Variants in SLC36A1 observed in about 807,000 individuals in gnomAD.
The protein encoded by SLC36A1 is solute carrier family 36 member 1.
In SLC36A1, 30 loss-of-function variants were observed where a neutral mutation model predicts 47.5. That is an observed-to-expected ratio of 0.63 (90% confidence interval 0.47 to 0.86). SLC36A1 has a LOEUF of 0.86. SLC36A1 is among the 40% of genes least tolerant of loss of function. The pLI, the probability that SLC36A1 is intolerant of heterozygous loss-of-function variation, is 0.00. For missense variants in SLC36A1, 517 were observed against 606.0 expected, an observed-to-expected ratio of 0.85 and a Z score of 1.54; for synonymous variants, 255 against 249.7, an observed-to-expected ratio of 1.02 and a Z score of -0.20.
At chr5:151,368,103 C>T in the SLC36A1 span, among the ~76,000 whole-genome samples, 1 of 152,146 alleles carries the variant, frequency 6.6e-6, no homozygotes, top group Admixed American at 6.5e-5. Context: ...CACCAACCTC[C>T]TGGAGAGTTC....
At chr5:151,442,265 AT>A (rs1266214000) in intron 1 of SLC36A1, among the ~76,000 whole-genome samples, 1 of 152,172 alleles carries the variant, frequency 6.6e-6, no homozygotes, top group Non-Finnish European at 1.5e-5. Context: ...CATCTCCATC[AT>A]TTCACATAGC....
At chr5:151,493,229 C>T (rs1334176959), downstream of SLC36A1, among the ~76,000 whole-genome samples, 3 of 152,124 alleles carry the variant, frequency 2.0e-5, no homozygotes, top group Non-Finnish European at 4.4e-5. Context: ...CATTTCCCCG[C>T]CCCCCAAAAT....
chr5:151,434,493 G>A (rs1453647490), upstream of SLC36A1, among the ~76,000 whole-genome samples: 2 of 152,108 alleles, frequency 1.3e-5, no homozygotes, highest in Admixed American at 1.3e-4. Flanking sequence ...TAGTGAATCA[G>A]AACTAGATCT....
At chr5:151,492,925 C>T (rs1363544419), downstream of SLC36A1, among the ~76,000 whole-genome samples, 3 of 152,182 alleles carry the variant, frequency 2.0e-5, no homozygotes, top group Non-Finnish European at 4.4e-5. Flanking sequence ...CCCTATGACT[C>T]GCAGACTTGC....
chr5:151,368,218 G>A, the SLC36A1 span, among the ~76,000 whole-genome samples: 2 of 152,182 alleles, frequency 1.3e-5, no homozygotes, highest in African/African-American at 4.8e-5. Context: ...ATTGACTAGA[G>A]ACATCCTACG....
intron 1 of SLC36A1, among the ~76,000 whole-genome samples, chr5:151,458,340 T>C (rs1754976732): frequency 1.0e-4 from 10 of 96,944 alleles, no homozygotes; most frequent in African/African-American, 3.5e-4. Flanking sequence ...ATATGGGATA[T>C]TTATATATAT....
At chr5:151,530,185 A>T in the SLC36A1 span, among the ~76,000 whole-genome samples, 1 of 152,240 alleles carries the variant, frequency 6.6e-6, no homozygotes, top group African/African-American at 2.4e-5. Context: ...CCCAAATTAT[A>T]ACTATATATT....
the SLC36A1 span, among the ~76,000 whole-genome samples, chr5:151,426,276 T>C: frequency 6.6e-6 from 1 of 151,818 alleles, no homozygotes. Context: ...AGGGGACCGG[T>C]GCTCAGCATA....
chr5:151,357,874 G>C, the SLC36A1 span, among the ~76,000 whole-genome samples: 57 of 152,326 alleles, frequency 3.7e-4, no homozygotes, highest in Non-Finnish European at 6.9e-4. Flanking sequence ...TCTGTTAAAA[G>C]AAAACCTATA....
intron 2 of SLC36A1, among the ~76,000 whole-genome samples, chr5:151,463,343 G>A (rs556894927): frequency 2.0e-5 from 3 of 152,338 alleles, no homozygotes; most frequent in Non-Finnish European, 4.4e-5. Flanking sequence ...GTGGATAAGA[G>A]GGGGAGCTCT....
chr5:151,425,076 G>A, the SLC36A1 span, among the ~76,000 whole-genome samples: 1 of 152,212 alleles, frequency 6.6e-6, no homozygotes, highest in African/African-American at 2.4e-5. Context: ...GCAGAGCTGG[G>A]GTGAACTCAG....
chr5:151,382,517 A>G, the SLC36A1 span: 1 of 491,606 alleles, frequency 2.0e-6, no homozygotes. Flanking sequence ...TCATCAGCCA[A>G]ATGAGTGCAA....
the SLC36A1 span, among the ~76,000 whole-genome samples, chr5:151,365,622 A>G: frequency 6.6e-6 from 1 of 152,374 alleles, no homozygotes; most frequent in East Asian, 1.9e-4. Flanking sequence ...CTTGTCTAAA[A>G]TCAGGCAGCT....
At chr5:151,414,511 T>C in the SLC36A1 span, among the ~76,000 whole-genome samples, 5 of 151,884 alleles carry the variant, frequency 3.3e-5, no homozygotes, top group African/African-American at 1.2e-4. Context: ...ATTTTCAAGT[T>C]GAAAAAATAT....
the SLC36A1 span, among the ~76,000 whole-genome samples, chr5:151,383,898 A>G: frequency 0.3 from 45,115 of 151,928 alleles, 8,145 homozygotes; most frequent in African/African-American, 0.5. Context: ...TTTCAGCAAC[A>G]TGTTACTTGT....
At chr5:151,345,130 C>T in the SLC36A1 span, among the ~76,000 whole-genome samples, 5 of 152,122 alleles carry the variant, frequency 3.3e-5, no homozygotes, top group Non-Finnish European at 7.4e-5. Flanking sequence ...ACTCTATTAG[C>T]GGAATTACAA....
chr5:151,430,173 T>G, the SLC36A1 span, among the ~76,000 whole-genome samples: 2 of 151,158 alleles, frequency 1.3e-5, no homozygotes, highest in East Asian at 3.9e-4. Context: ...TTTTTTTTTT[T>G]TTTTTTTCTG....
intron 9 of SLC36A1, 123 bp downstream of exon 9, chr5:151,476,879 C>G: frequency 8.1e-7 from 1 of 1,229,422 alleles, no homozygotes; most frequent in Non-Finnish European, 1.2e-6. Context: ...GCCCACCATC[C>G]CCTGCCACTG....
chr5:151,445,537 G>T (rs1752866627), upstream of SLC36A1, among the ~76,000 whole-genome samples: 1 of 152,198 alleles, frequency 6.6e-6, no homozygotes, highest in Non-Finnish European at 1.5e-5. Flanking sequence ...TTTTTTGGAA[G>T]AGTTTAGTAA....
Sources: allele counts gnomAD v4.1 joint callset (sites outside exome capture counted in the v4.1 genomes callset), GRCh38; gene constraint gnomAD v4.1.1; transcripts MANE v1.5; gene names NCBI Gene and HGNC (gene_info 2026-07-23, HGNC 2026-07-21).